Variants in LINGO2 observed in about 807,000 individuals in gnomAD.
LINGO2 encodes the protein leucine rich repeat and Ig domain containing 2.
LINGO2 carries 14 observed loss-of-function variants against 30.6 expected under a neutral mutation model. The observed-to-expected ratio is 0.46, with a 90% CI of 0.30 to 0.72. The LOEUF (loss-of-function observed/expected upper bound fraction) is 0.72. Among genes scored for constraint, LINGO2 ranks in the 30% least tolerant of loss-of-function variants. The probability of loss-of-function intolerance (pLI) is 0.07; values close to 1 mark genes in which losing one functional copy is unlikely to be tolerated. For missense variants in LINGO2, 729 were observed against 751.7 expected (o/e 0.97, Z 0.35); for synonymous variants, 317 against 288.5 (o/e 1.10, Z -1.00).
chr9:29,025,618 A>G, the LINGO2 span, among the ~76,000 whole-genome samples: 1 of 152,200 alleles, frequency 6.6e-6, no homozygotes, highest in Admixed American at 6.5e-5. Context: ...TGACAAAATC[A>G]GGTTAGTGAA....
intron 4 of LINGO2, among the ~76,000 whole-genome samples, chr9:28,088,795 C>A (rs897335044): frequency 1.3e-5 from 2 of 152,110 alleles, no homozygotes; most frequent in African/African-American, 2.4e-5. Context: ...CAAGACCCAT[C>A]AGTGTGCTTG....
At chr9:28,842,823 C>A in the LINGO2 span, among the ~76,000 whole-genome samples, 1 of 151,794 alleles carries the variant, frequency 6.6e-6, no homozygotes, top group Admixed American at 6.5e-5. Context: ...AACACTAATC[C>A]CATCTCTCTG....
chr9:28,814,627 C>T, the LINGO2 span, among the ~76,000 whole-genome samples: 8 of 152,162 alleles, frequency 5.3e-5, no homozygotes, highest in African/African-American at 1.9e-4. Flanking sequence ...GTGGCTCACG[C>T]CTGTAATCCC....
chr9:28,297,751 G>A (rs1210153576), intron 3 of LINGO2, among the ~76,000 whole-genome samples: 1 of 152,190 alleles, frequency 6.6e-6, no homozygotes, highest in Non-Finnish European at 1.5e-5. Context: ...TCATGTAGCT[G>A]AGTTAAAATG....
the LINGO2 span, among the ~76,000 whole-genome samples, chr9:28,762,196 C>A: frequency 6.6e-6 from 1 of 151,836 alleles, no homozygotes; most frequent in Non-Finnish European, 1.5e-5. Context: ...TTTTTAATAC[C>A]TATTTATTTC....
At chr9:28,827,639 T>A in the LINGO2 span, among the ~76,000 whole-genome samples, 1 of 152,100 alleles carries the variant, frequency 6.6e-6, no homozygotes, top group Non-Finnish European at 1.5e-5. Flanking sequence ...TACACAAACA[T>A]GAGAGTGATA....
chr9:29,075,787 T>A, the LINGO2 span, among the ~76,000 whole-genome samples: 1 of 152,048 alleles, frequency 6.6e-6, no homozygotes, highest in South Asian at 2.1e-4. Context: ...AAAAAGGCAA[T>A]AGAGTGTCAA....
chr9:28,404,754 T>C (rs535154367), intron 2 of LINGO2, among the ~76,000 whole-genome samples: 75 of 152,306 alleles, frequency 4.9e-4, no homozygotes, highest in African/African-American at 1.8e-3. Flanking sequence ...TCTCACTTTG[T>C]GTAATCATTT....
chr9:29,176,531 C>T, the LINGO2 span, among the ~76,000 whole-genome samples: 4 of 152,300 alleles, frequency 2.6e-5, no homozygotes, highest in Admixed American at 6.5e-5. Flanking sequence ...TCTCCAATGT[C>T]CCAAGTGGGT....
chr9:28,489,227 C>T (rs6476072), intron 1 of LINGO2, among the ~76,000 whole-genome samples: 100,398 of 151,958 alleles, frequency 0.66, 33,621 homozygotes, highest in South Asian at 0.75. Context: ...GTGAGAGTAG[C>T]TTTTCTTCTA....
At chr9:28,553,289 A>G (rs1268406535) in intron 1 of LINGO2, among the ~76,000 whole-genome samples, 2 of 152,136 alleles carry the variant, frequency 1.3e-5, no homozygotes, top group Non-Finnish European at 2.9e-5. Flanking sequence ...TAACCAATAC[A>G]GAGAAGTGCT....
At chr9:28,157,862 G>A (rs1828178892) in intron 4 of LINGO2, among the ~76,000 whole-genome samples, 1 of 152,104 alleles carries the variant, frequency 6.6e-6, no homozygotes, top group South Asian at 2.1e-4. Context: ...CTCCATCTGA[G>A]ACTACCTCAG....
the LINGO2 span, among the ~76,000 whole-genome samples, chr9:29,112,585 C>T: frequency 1.3e-5 from 2 of 152,300 alleles, no homozygotes; most frequent in East Asian, 1.9e-4. Context: ...CTTTAGATTA[C>T]ATGACAAAAT....
At chr9:28,056,116 G>A (rs932030042) in intron 4 of LINGO2, among the ~76,000 whole-genome samples, 9 of 152,278 alleles carry the variant, frequency 5.9e-5, no homozygotes, top group African/African-American at 9.6e-5. Flanking sequence ...ACCTCTGAGC[G>A]TCTACCGCCC....
chr9:29,018,020 C>A, the LINGO2 span, among the ~76,000 whole-genome samples: 3 of 98,702 alleles, frequency 3.0e-5, no homozygotes, highest in African/African-American at 1.1e-4. Context: ...ATATATAAAT[C>A]TGCATATATA....
intron 4 of LINGO2, among the ~76,000 whole-genome samples, chr9:28,209,254 A>G (rs555714608): frequency 2.0e-5 from 3 of 152,138 alleles, no homozygotes; most frequent in African/African-American, 7.2e-5. Flanking sequence ...ATATATATTG[A>G]ATAACTGATA....
chr9:29,199,154 T>C, the LINGO2 span, among the ~76,000 whole-genome samples: 1 of 152,136 alleles, frequency 6.6e-6, no homozygotes, highest in African/African-American at 2.4e-5. Context: ...TCTACAGTTG[T>C]AGACTGCAGT....
intron 4 of LINGO2, among the ~76,000 whole-genome samples, chr9:28,254,596 T>C (rs913893565): frequency 6.6e-6 from 1 of 152,072 alleles, no homozygotes; most frequent in African/African-American, 2.4e-5. Flanking sequence ...TTAAATCCCA[T>C]GAGAAGGTTC....
the LINGO2 span, among the ~76,000 whole-genome samples, chr9:29,057,209 T>C: frequency 1.3e-5 from 2 of 152,176 alleles, no homozygotes; most frequent in Non-Finnish European, 2.9e-5. Context: ...ATTTTCACAA[T>C]ATTGATTCTA....
Sources: gnomAD v4.1 joint callset for allele counts (sites outside exome capture counted in the v4.1 genomes callset) on GRCh38, gnomAD v4.1.1 for gene constraint, MANE v1.5 for transcripts, NCBI Gene and HGNC (gene_info 2026-07-23, HGNC 2026-07-21) for gene names.